SCML4: variants seen among roughly 807,000 people sequenced by gnomAD.
SCML4 encodes the protein sex comb on midleg-like protein 4.
Under a neutral mutation model 41.1 loss-of-function variants are expected in SCML4, and 34 were observed. That is an observed-to-expected ratio of 0.83 (90% CI 0.63 to 1.10). SCML4 has a LOEUF of 1.10. SCML4 is among the 50% of genes least tolerant of loss of function. The pLI is 0.00. For missense variants in SCML4, 522 were observed against 534.1 expected (o/e 0.98, Z 0.22); for synonymous variants, 214 against 220.9 (o/e 0.97, Z 0.28).
At chr6:107,715,789 C>T (rs1170054125) in intron 6 of SCML4, among the ~76,000 whole-genome samples, 15 of 152,232 alleles carry the variant, frequency 9.9e-5, no homozygotes, top group Admixed American at 9.8e-4. Context: ...AATACCCACC[C>T]TTCTGCCTGC....
chr6:107,735,500 A>G (rs752758078), intron 5 of SCML4, among the ~76,000 whole-genome samples: 14 of 151,956 alleles, frequency 9.2e-5, no homozygotes, highest in Non-Finnish European at 2.1e-4. Context: ...GGTAAAACAC[A>G]TATCACATAA....
chr6:107,744,921 C>A, intron 5 of SCML4, 28 bp downstream of exon 5: 2 of 1,532,210 alleles, frequency 1.3e-6, no homozygotes, highest in Non-Finnish European at 1.8e-6. Flanking sequence ...GGTGTCCCTG[C>A]AGGTGGGGGA....
chr6:107,726,190 G>C (rs1370729813), intron 5 of SCML4, among the ~76,000 whole-genome samples: 1 of 151,756 alleles, frequency 6.6e-6, no homozygotes, highest in South Asian at 2.1e-4. Context: ...TTGTAAAAGG[G>C]GCTAGACTTA....
In SCML4 at chr6:107,816,003, C is replaced by T. The variant is rs1011859046; in HGVS notation, c.-60+8123G>A. On this transcript the variant is annotated intron_variant, in intron 1 of 7. Transcript: ENST00000369020. ...TGCCAGGCAGAGCAGGAGAGGCTGG[C>T]GCTACAGCATGAAAGAGCTCTTTCT... is the stretch of plus-strand genomic sequence containing the variant. 7.9e-5 allele frequency among the ~76,000 whole-genome samples: 12 copies of T among 152,292 alleles called. No homozygotes were observed. In the South Asian group the frequency reaches 1.0e-3, roughly 13 times the overall value.
intron 7 of SCML4, 107 bp from the exon 8 acceptor site, chr6:107,705,432 T>C: frequency 9.9e-7 from 1 of 1,011,196 alleles, no homozygotes; most frequent in Non-Finnish European, 1.5e-6. Flanking sequence ...GGCATATGGA[T>C]TGATTTAGGC....
intron 5 of SCML4, among the ~76,000 whole-genome samples, chr6:107,738,787 C>T (rs1441473311): frequency 6.6e-6 from 1 of 152,142 alleles, no homozygotes; most frequent in Non-Finnish European, 1.5e-5. Context: ...TGAAGGTAAC[C>T]TGCCCTCCCG....
At chr6:107,842,606 C>A in the SCML4 span, among the ~76,000 whole-genome samples, 14 of 152,228 alleles carry the variant, frequency 9.2e-5, no homozygotes, top group Non-Finnish European at 2.1e-4. Flanking sequence ...CTGGCCTAGG[C>A]AGGTCTCAAA....
chr6:107,839,257 G>A, the SCML4 span, among the ~76,000 whole-genome samples: 3 of 151,360 alleles, frequency 2.0e-5, no homozygotes, highest in Non-Finnish European at 2.9e-5. Flanking sequence ...TCGTACCACT[G>A]CACTCCAGCC....
the SCML4 span, among the ~76,000 whole-genome samples, chr6:107,844,484 G>T: frequency 1.3e-5 from 2 of 152,202 alleles, no homozygotes. Context: ...GATCACTTGA[G>T]GCCAGGAGTT....
intron 5 of SCML4, among the ~76,000 whole-genome samples, chr6:107,734,453 C>G (rs750088582): frequency 3.9e-4 from 59 of 152,290 alleles, no homozygotes; most frequent in Middle Eastern, 6.8e-3. Flanking sequence ...TAAATAACTT[C>G]CTCGGTATCT....
intron 2 of SCML4, 86 bp downstream of exon 2, chr6:107,772,086 C>T (rs1222165173): frequency 8.2e-7 from 1 of 1,216,246 alleles, no homozygotes; most frequent in Non-Finnish European, 1.1e-6. Flanking sequence ...CTCCCAACCT[C>T]TAGTGGCATT....
At chr6:107,774,125 C>G (rs1489817100) in intron 1 of SCML4, among the ~76,000 whole-genome samples, 3 of 152,262 alleles carry the variant, frequency 2.0e-5, no homozygotes, top group African/African-American at 7.2e-5. Context: ...CACTGTTAAA[C>G]AGAAAACAAT....
rs1204345824 is a variant in SCML4 at position 107,797,068 on chromosome 6, A to G, written c.-59-24682T>C. On this transcript the variant is annotated intron_variant, in intron 1 of 7. Coordinates refer to ENST00000369020, the MANE Select transcript of SCML4 (RefSeq NM_198081.5). Reference sequence around the variant, plus strand: ...CCAATTCCAAACTCTCTTGGTTACTATAACTTTATAGTAAGTCTTGAAATC... The same window carrying G: ...CCAATTCCAAACTCTCTTGGTTACTGTAACTTTATAGTAAGTCTTGAAATC... 2.0e-5 allele frequency among the ~76,000 whole-genome samples: 3 copies of G among 152,270 alleles called. No individual in the cohort carries two copies. The East Asian group carries it at 5.8e-4, about 29-fold the overall frequency.
chr6:107,804,794 T>C (rs1197679072), intron 1 of SCML4, among the ~76,000 whole-genome samples: 1 of 152,034 alleles, frequency 6.6e-6, no homozygotes, highest in African/African-American at 2.4e-5. Context: ...CTGGGCAACA[T>C]AGTGAGACTC....
At chr6:107,740,385 G>T (rs1777478536) in intron 5 of SCML4, among the ~76,000 whole-genome samples, 1 of 152,234 alleles carries the variant, frequency 6.6e-6, no homozygotes, top group Non-Finnish European at 1.5e-5. Context: ...TGGAGAAAAT[G>T]ATCCAGTGCA....
At chr6:107,804,135 C>T (rs1391157235) in intron 1 of SCML4, among the ~76,000 whole-genome samples, 1 of 151,420 alleles carries the variant, frequency 6.6e-6, no homozygotes, top group African/African-American at 2.4e-5. Flanking sequence ...CATTTCTGAG[C>T]TGAGCAGAAA....
At chr6:107,813,412 AT>A (rs2114281885) in intron 1 of SCML4, among the ~76,000 whole-genome samples, 1 of 21,290 alleles carries the variant, frequency 4.7e-5, no homozygotes, top group African/African-American at 1.1e-4. Flanking sequence ...ATATATATAT[AT>A]ATATATATAT....
intron 2 of SCML4, among the ~76,000 whole-genome samples, chr6:107,760,854 G>A (rs1779524139): frequency 6.6e-6 from 1 of 150,872 alleles, no homozygotes; most frequent in Non-Finnish European, 1.5e-5. Flanking sequence ...TAAAGGACAA[G>A]CTTGAAAATA....
intron 2 of SCML4, among the ~76,000 whole-genome samples, chr6:107,765,675 A>G (rs944825937): frequency 9.9e-5 from 15 of 152,208 alleles, no homozygotes; most frequent in Non-Finnish European, 1.9e-4. Context: ...TAAAAACAAA[A>G]GTAATAAATA....
Sources: allele counts gnomAD v4.1 joint callset (sites outside exome capture counted in the v4.1 genomes callset), GRCh38; gene constraint gnomAD v4.1.1; transcripts MANE v1.5; gene names NCBI Gene and HGNC (gene_info 2026-07-23, HGNC 2026-07-21).